Variants in OTUD7A observed in about 807,000 individuals in gnomAD.
OTUD7A encodes the protein OTU domain-containing protein 7A.
In OTUD7A, 12 loss-of-function variants were observed where a neutral mutation model predicts 65.7. The observed-to-expected ratio is 0.18, with a 90% CI of 0.12 to 0.30. The LOEUF is 0.30. OTUD7A is among the 10% of genes least tolerant of loss of function. The pLI is 1.00. For synonymous variants in OTUD7A, 641 were observed against 586.3 expected (o/e 1.09, Z -1.35); for missense variants, 1,148 against 1,304.8 (o/e 0.88, Z 1.85).
At chr15:31,742,284 CACA>C (rs1894363644) in intron 1 of OTUD7A, among the ~76,000 whole-genome samples, 4 of 152,080 alleles carry the variant, frequency 2.6e-5, no homozygotes, top group African/African-American at 9.6e-5. Context: ...CAATCTCATC[CACA>C]ACGATTGGTT....
At chr15:31,541,748 C>A (rs534879568) in intron 5 of OTUD7A, among the ~76,000 whole-genome samples, 1 of 151,974 alleles carries the variant, frequency 6.6e-6, no homozygotes, top group African/African-American at 2.4e-5. Context: ...CATAAGAACT[C>A]GAAAAAAGGC....
chr15:31,799,533 T>C (rs1313219940), intron 1 of OTUD7A, among the ~76,000 whole-genome samples: 1 of 152,000 alleles, frequency 6.6e-6, no homozygotes, highest in Non-Finnish European at 1.5e-5. Flanking sequence ...AGAGATTCTG[T>C]CCCCTCTCTC....
chr15:31,860,677 G>GTGTATA (rs560896384), intron 1 of OTUD7A, among the ~76,000 whole-genome samples: 1,031 of 73,250 alleles, frequency 0.014, 82 homozygotes, highest in African/African-American at 0.044. Flanking sequence ...ATGTATGTGT[G>GTGTATA]TATATATATA....
intron 4 of OTUD7A, among the ~76,000 whole-genome samples, chr15:31,559,653 AAC>A (rs1431481484): frequency 1.3e-5 from 2 of 152,098 alleles, no homozygotes; most frequent in Non-Finnish European, 2.9e-5. Flanking sequence ...CACACATAGA[AAC>A]AGTTGGCACA....
chr15:31,860,677 G>GTGTATATATATATATATGTA (rs560896384), intron 1 of OTUD7A, among the ~76,000 whole-genome samples: 1 of 73,284 alleles, frequency 1.4e-5, no homozygotes, highest in South Asian at 6.0e-4. Flanking sequence ...ATGTATGTGT[G>GTGTATATATATATATATGTA]TATATATATA....
chr15:31,754,046 G>A (rs937554002), intron 1 of OTUD7A, among the ~76,000 whole-genome samples: 1 of 151,658 alleles, frequency 6.6e-6, no homozygotes, highest in Non-Finnish European at 1.5e-5. Flanking sequence ...TGATTTTTTT[G>A]ATTATGGCCA....
At chr15:31,836,852 G>A (rs1033325706) in intron 1 of OTUD7A, among the ~76,000 whole-genome samples, 2 of 152,062 alleles carry the variant, frequency 1.3e-5, no homozygotes, top group East Asian at 3.9e-4. Flanking sequence ...AACTGATCAA[G>A]GCCATCTATA....
chr15:31,584,314 G>A (rs1889462500), intron 3 of OTUD7A, among the ~76,000 whole-genome samples: 2 of 152,220 alleles, frequency 1.3e-5, no homozygotes, highest in Non-Finnish European at 2.9e-5. Flanking sequence ...GACCTCCTAA[G>A]AACATAGTAT....
intron 3 of OTUD7A, among the ~76,000 whole-genome samples, chr15:31,642,370 GTCTT>G (rs1891542512): frequency 6.6e-6 from 1 of 152,146 alleles, no homozygotes; most frequent in South Asian, 2.1e-4. Flanking sequence ...TTTGTCTGTA[GTCTT>G]TCTTGGTTTT....
At chr15:31,711,938 T>C (rs921999428) in intron 1 of OTUD7A, among the ~76,000 whole-genome samples, 14 of 151,770 alleles carry the variant, frequency 9.2e-5, no homozygotes, top group Admixed American at 5.9e-4. Flanking sequence ...GCGGTTATTG[T>C]GTTTTTGTGT....
chr15:31,782,738 AGAGT>A (rs141089162), intron 1 of OTUD7A, among the ~76,000 whole-genome samples: 2,524 of 152,318 alleles, frequency 0.017, 77 homozygotes, highest in African/African-American at 0.058. Context: ...GTACAGAGAG[AGAGT>A]AAGGTGTCAA....
intron 5 of OTUD7A, among the ~76,000 whole-genome samples, chr15:31,546,208 T>C (rs1329550914): frequency 6.6e-6 from 1 of 152,224 alleles, no homozygotes; most frequent in Admixed American, 6.5e-5. Flanking sequence ...GATGACTGTA[T>C]ATATCTTTAG....
At chr15:31,836,343 T>A (rs1017313560) in intron 1 of OTUD7A, among the ~76,000 whole-genome samples, 1 of 152,218 alleles carries the variant, frequency 6.6e-6, no homozygotes, top group African/African-American at 2.4e-5. Context: ...TATAACTTAA[T>A]CACTTTTCAG....
intron 7 of OTUD7A, among the ~76,000 whole-genome samples, 170 bp downstream of exon 7, chr15:31,527,011 C>T (rs1009286100): frequency 2.0e-5 from 3 of 152,210 alleles, no homozygotes; most frequent in African/African-American, 7.2e-5. Context: ...TTTTAACAGG[C>T]TCCTCCTCTG....
intron 8 of OTUD7A, among the ~76,000 whole-genome samples, chr15:31,513,732 G>A (rs2041798111): frequency 6.6e-6 from 1 of 152,218 alleles, no homozygotes; most frequent in South Asian, 2.1e-4. Flanking sequence ...TCACTGGTGA[G>A]GTTGACCTGG....
intron 1 of OTUD7A, among the ~76,000 whole-genome samples, chr15:31,814,788 T>A (rs1252151917): frequency 6.6e-6 from 1 of 152,182 alleles, no homozygotes; most frequent in Non-Finnish European, 1.5e-5. Flanking sequence ...CCTCCCAAAG[T>A]GCTGGGATTA....
chr15:31,799,375 G>A (rs534243571), intron 1 of OTUD7A, among the ~76,000 whole-genome samples: 11 of 152,306 alleles, frequency 7.2e-5, no homozygotes, highest in Admixed American at 6.5e-5. Context: ...TATGTTGGGG[G>A]CTGAATGTTT....
chr15:31,740,986 T>C (rs750807572), intron 1 of OTUD7A, among the ~76,000 whole-genome samples: 6 of 152,256 alleles, frequency 3.9e-5, no homozygotes, highest in Non-Finnish European at 8.8e-5. Context: ...CAGATGTGAA[T>C]GTACTATTGA....
At chr15:31,728,061 C>T (rs1893942019) in intron 1 of OTUD7A, among the ~76,000 whole-genome samples, 2 of 152,200 alleles carry the variant, frequency 1.3e-5, no homozygotes. Context: ...GTACATCTGA[C>T]CACTTAGTCT....
Sources: allele counts gnomAD v4.1 joint callset (sites outside exome capture counted in the v4.1 genomes callset), GRCh38; gene constraint gnomAD v4.1.1; transcripts MANE v1.5; gene names NCBI Gene and HGNC (gene_info 2026-07-23, HGNC 2026-07-21).